The following ERICH5 variants were observed in gnomAD, a reference collection of about 807,000 sequenced individuals.
ERICH5 encodes the protein glutamate rich 5.
In ERICH5, 24 loss-of-function variants were observed where a neutral mutation model predicts 28.0. The ratio of observed to expected loss-of-function variants is 0.86; its 90% confidence interval spans 0.62 to 1.21. The LOEUF is 1.21. Ranked by LOEUF, ERICH5 falls within the 50% of genes most tolerant of loss-of-function variation. ERICH5 has a pLI of 0.00. For missense variants in ERICH5, 421 were observed against 441.2 expected (o/e 0.95, Z 0.41); for synonymous variants, 163 against 157.6 (o/e 1.03, Z -0.25).
In ERICH5 at chr8:98,089,447, A is replaced by T; in HGVS notation, c.430A>T (p.Lys144Ter). 6.2e-7 allele frequency: 1 copy of T among 1,614,244 alleles called. No individual in the cohort carries two copies. The highest frequency in any genetic ancestry group is 1.7e-5 in the Admixed American group (1 of 60,028). The change falls in exon 2 of 3, where the codon AAA (lysine) becomes TAA (stop). Residue 144 changes from lysine (K) to a stop codon, truncating the protein, a stop_gained. Coordinates refer to ENST00000318528, the MANE Select transcript of ERICH5 (RefSeq NM_173549.3). LOFTEE classifies it high-confidence loss of function. ...AGCAGGGACAGAGGCCGAGTCTCTA[A>T]AAGGAAATGCTGAAGCTCAGCCTTT... ...AGAGTEAESLKGNAEAQPLGP... is the reference protein window; with the variant it reads ...AGAGTEAESL
At chr8:98,065,332 C>T (rs1206726150) in intron 1 of ERICH5, among the ~76,000 whole-genome samples, 2 of 152,216 alleles carry the variant, frequency 1.3e-5, no homozygotes, top group South Asian at 2.1e-4. Flanking sequence ...GCATTCACTC[C>T]ATCAAATGGG....
At position 98,089,175 on chromosome 8, in the gene ERICH5, A is replaced by G. The variant is rs377082196; in HGVS notation, c.158A>G (p.Asn53Ser). Residue 53 changes from asparagine to serine, a missense_variant, in exon 2 of 3, where the codon AAT becomes AGT. By Grantham distance (46) the Asn-to-Ser change is conservative. Transcript: ENST00000318528. ...GGAAGAGAATCTACTGTTGATGGCAATGTACAAAGGGAAAGCCGTCCTCCC... is the reference window on the plus strand; with the variant it reads ...GGAAGAGAATCTACTGTTGATGGCAGTGTACAAAGGGAAAGCCGTCCTCCC... ...ALGRESTVDG[N>S]VQRESRPPLQ... 3.0e-5 allele frequency: 48 copies of G among 1,614,184 alleles called. No homozygotes were observed. The African/African-American group carries it at 4.5e-4, about 15-fold the overall frequency.
chr8:98,080,790 C>T (rs1815169838), intron 1 of ERICH5, among the ~76,000 whole-genome samples: 1 of 149,028 alleles, frequency 6.7e-6, no homozygotes, highest in Non-Finnish European at 1.5e-5. Flanking sequence ...ACAACCTCTG[C>T]CTCCCAGGTT....
chr8:98,089,240 G>A lies in ERICH5; in HGVS notation c.223G>A (p.Gly75Ser), dbSNP rs879155579. 6.2e-7 allele frequency: 1 copy of A among 1,614,204 alleles called. No individual in the cohort carries two copies. The highest frequency in any genetic ancestry group is 1.7e-5 in the Admixed American group (1 of 60,022). Residue 75 changes from glycine (G) to serine (S), a missense_variant, in exon 2 of 3, where the codon GGT becomes AGT. Gly to Ser is a moderately conservative substitution (Grantham distance 56, BLOSUM62 0). Transcript: ENST00000318528. ...LKVSAEPTAN[G>S]VKPLQEQPLA... ...GGTTTCAGCAGAGCCTACAGCTAATGGTGTTAAACCCCTCCAAGAACAGCC... is the reference window on the plus strand; with the variant it reads ...GGTTTCAGCAGAGCCTACAGCTAATAGTGTTAAACCCCTCCAAGAACAGCC...
rs73280043 is a variant in ERICH5, at chr8:98,078,822, A to G, written c.59-10254A>G. ...GAAATGTGGAGTTCAGAAAACAGACACATCTTTAAACAAATTCAGATGTGA... is the reference window on the plus strand; with the variant it reads ...GAAATGTGGAGTTCAGAAAACAGACGCATCTTTAAACAAATTCAGATGTGA... On this transcript the variant is annotated intron_variant, in intron 1 of 2. Coordinates refer to ENST00000318528, the MANE Select transcript of ERICH5 (RefSeq NM_173549.3). Among the ~76,000 whole-genome samples, 1,061 of 152,372 alleles carry G rather than the reference A, an allele frequency of 7.0e-3. 13 individuals carry two copies. The highest frequency in any genetic ancestry group is 0.024 in the African/African-American group (997 of 41,592).
chr8:98,071,688 G>A (rs1243193061), intron 1 of ERICH5, among the ~76,000 whole-genome samples: 1 of 151,846 alleles, frequency 6.6e-6, no homozygotes, highest in Non-Finnish European at 1.5e-5. Flanking sequence ...CTCTCCAGGT[G>A]TGTTTATGTC....
At position 98,079,404 on chromosome 8, in the gene ERICH5, G is replaced by GA. The variant is rs1385990267; in HGVS notation, c.59-9668dup. ...ATCTTGCCTGTAGTATGCACTTGAT[G>GA]AAAATGTGATGAATGAGTGAAATCA... On this transcript the variant is annotated intron_variant, in intron 1 of 2. Transcript: ENST00000318528. Among the ~76,000 whole-genome samples the GA allele has an allele frequency of 3.0e-4, 46 of 152,028 alleles. 1 individual carries two copies. The highest frequency in any genetic ancestry group is 3.0e-3 in the Admixed American group (46 of 15,260).
In ERICH5 at chr8:98,089,186, G is replaced by A. The variant is rs1292746517; in HGVS notation, c.169G>A (p.Glu57Lys). 1.2e-6 allele frequency: 2 copies of A among 1,614,216 alleles called. No homozygotes were observed. Among genetic ancestry groups the A allele is most frequent in the East Asian group, 4.5e-5 (2 of 44,886 alleles). Reference protein sequence around the residue: ...ESTVDGNVQRESRPPLQKLKV... With the variant: ...ESTVDGNVQRKSRPPLQKLKV... ...TACTGTTGATGGCAATGTACAAAGG[G>A]AAAGCCGTCCTCCCTTACAAAAGCT... The change falls in exon 2 of 3, where the codon GAA becomes AAA. Residue 57 changes from glutamate (E) to lysine (K), a missense_variant. Transcript: ENST00000318528.
intron 1 of ERICH5, among the ~76,000 whole-genome samples, chr8:98,070,780 C>T (rs910567357): frequency 2.0e-5 from 3 of 150,430 alleles, no homozygotes; most frequent in South Asian, 2.1e-4. Flanking sequence ...TTGACAGAGA[C>T]GGGGATTCAG....
At chr8:98,065,762 C>T (rs1814808702) in intron 1 of ERICH5, among the ~76,000 whole-genome samples, 1 of 152,164 alleles carries the variant, frequency 6.6e-6, no homozygotes, top group Admixed American at 6.5e-5. Context: ...TTCTGCAAGG[C>T]GAACTTTAGC....
Position 98,090,014 on chromosome 8 carries a change from G to T in ERICH5, c.997G>T (p.Asp333Tyr). The change falls in exon 2 of 3, where the codon GAC becomes TAC. Residue 333 changes from aspartate (D) to tyrosine (Y), a missense_variant. Coordinates refer to ENST00000318528, the MANE Select transcript of ERICH5 (RefSeq NM_173549.3). Reference sequence around the variant, plus strand: ...CAGGAACATCCATACTAATGAAGAGGACCAACGCATTGAAGGTAAAAGTTA... The same window carrying T: ...CAGGAACATCCATACTAATGAAGAGTACCAACGCATTGAAGGTAAAAGTTA... Reference protein sequence around the residue: ...MIRNIHTNEEDQRIEGETGEK... With the variant: ...MIRNIHTNEEYQRIEGETGEK... 3 of 1,609,946 alleles carry T rather than the reference G, an allele frequency of 1.9e-6. No individual in the cohort carries two copies. Among genetic ancestry groups the T allele is most frequent in the South Asian group, 1.1e-5 (1 of 90,598 alleles).
intron 1 of ERICH5, among the ~76,000 whole-genome samples, chr8:98,086,743 G>A (rs1800924135): frequency 1.3e-5 from 2 of 152,130 alleles, no homozygotes; most frequent in Admixed American, 6.5e-5. Context: ...GAGGTCATGA[G>A]ATCGAGACCA....
At chr8:98,085,136 C>CTTTTTTTTTTTTTTTTTTTTTTTTT (rs760470751) in intron 1 of ERICH5, among the ~76,000 whole-genome samples, 1 of 57,240 alleles carries the variant, frequency 1.7e-5, no homozygotes, top group Non-Finnish European at 3.5e-5. Flanking sequence ...GTTCCACAGC[C>CTTTTTTTTTTTTTTTTTTTTTTTTT]TTTTTTTTTT....
intron 1 of ERICH5, among the ~76,000 whole-genome samples, chr8:98,083,655 C>T (rs1815220115): frequency 1.3e-5 from 2 of 152,250 alleles, no homozygotes; most frequent in South Asian, 2.1e-4. Context: ...CTCACAGGAA[C>T]CTCTATGTAA....
intron 1 of ERICH5, among the ~76,000 whole-genome samples, chr8:98,072,486 A>G (rs1814935491): frequency 6.6e-6 from 1 of 151,992 alleles, no homozygotes; most frequent in Non-Finnish European, 1.5e-5. Flanking sequence ...AATACAAAAT[A>G]AATTAGCTAG....
At chr8:98,072,315 G>A (rs903760884) in intron 1 of ERICH5, among the ~76,000 whole-genome samples, 1 of 152,136 alleles carries the variant, frequency 6.6e-6, no homozygotes, top group African/African-American at 2.4e-5. Flanking sequence ...CATATTCTGT[G>A]TATGTCATGA....
chr8:98,091,892 C>CTTTT (rs1376791054), intron 2 of ERICH5, among the ~76,000 whole-genome samples: 1 of 52,770 alleles, frequency 1.9e-5, no homozygotes, highest in African/African-American at 6.6e-5. Flanking sequence ...TTCTTTCTTT[C>CTTTT]TTTCTTTCCT....
chr8:98,070,084 C>A (rs77628368), intron 1 of ERICH5, among the ~76,000 whole-genome samples: 2 of 152,104 alleles, frequency 1.3e-5, no homozygotes, highest in South Asian at 4.2e-4. Context: ...GTCTAGTAAG[C>A]CTACTTACTA....
In ERICH5 at chr8:98,064,570, A is replaced by G; in HGVS notation, c.-100A>G. 9.5e-7 allele frequency: 1 copy of G among 1,051,784 alleles called. No homozygotes were observed. Among genetic ancestry groups the G allele is most frequent in the Non-Finnish European group, 1.3e-6 (1 of 753,686 alleles). The allele number at this position is 1,051,784 out of a possible 1,614,324, so 65.2% of individuals were successfully genotyped here. A position where few individuals can be genotyped will look rare whatever the true frequency, so the allele number is the denominator to read the frequency against. ...TACGCCCAAGGGAGCCGGGCTGCAGAGCTGGAGAAACTTCCGCGGCTACGG... is the reference window on the plus strand; with the variant it reads ...TACGCCCAAGGGAGCCGGGCTGCAGGGCTGGAGAAACTTCCGCGGCTACGG... On this transcript the variant is annotated 5_prime_UTR_variant, in exon 1 of 3. Transcript: ENST00000318528.
Sources: allele counts gnomAD v4.1 joint callset (sites outside exome capture counted in the v4.1 genomes callset), GRCh38; gene constraint gnomAD v4.1.1; transcripts MANE v1.5; gene names NCBI Gene and HGNC (gene_info 2026-07-23, HGNC 2026-07-21).